Variants in RAPGEF5 observed in about 807,000 individuals in gnomAD.
RAPGEF5 encodes the protein M-Ras-regulated GEF.
In RAPGEF5, 65 loss-of-function variants were observed where a neutral mutation model predicts 125.2. That is an observed-to-expected ratio of 0.52 (90% CI 0.43 to 0.64). The LOEUF is 0.64. Ranked by LOEUF, RAPGEF5 falls within the 30% of genes least tolerant of loss-of-function variation. The pLI, the probability that RAPGEF5 is intolerant of heterozygous loss-of-function variation, is 0.00. For missense variants in RAPGEF5, 958 were observed against 1,048.1 expected, an observed-to-expected ratio of 0.91 and a Z score of 1.19; for synonymous variants, 391 against 385.9, an observed-to-expected ratio of 1.01 and a Z score of -0.16.
intron 1 of RAPGEF5, among the ~76,000 whole-genome samples, chr7:22,339,134 A>T (rs1784080141): frequency 6.6e-6 from 1 of 152,228 alleles, no homozygotes; most frequent in Non-Finnish European, 1.5e-5. Context: ...GTGAGCATGC[A>T]TACAACTTCA....
intron 7 of RAPGEF5, among the ~76,000 whole-genome samples, chr7:22,260,590 A>G (rs1181955414): frequency 1.3e-5 from 2 of 152,034 alleles, no homozygotes. Context: ...AATCAAAACT[A>G]CAAGGTACCT....
chr7:22,138,126 T>C (rs1783138614), intron 21 of RAPGEF5, among the ~76,000 whole-genome samples: 1 of 152,130 alleles, frequency 6.6e-6, no homozygotes, highest in African/African-American at 2.4e-5. Context: ...CCAATCTTTC[T>C]TTTAAGCTGC....
At chr7:22,193,731 G>T (rs1055533510) in intron 10 of RAPGEF5, 184 bp downstream of exon 10, 1 of 1,556,904 alleles carries the variant, frequency 6.4e-7, no homozygotes, top group Non-Finnish European at 8.7e-7. Flanking sequence ...CTTTCACTGG[G>T]AACTGAGTCC....
At chr7:22,249,538 A>G (rs1355277373) in intron 7 of RAPGEF5, among the ~76,000 whole-genome samples, 1 of 152,192 alleles carries the variant, frequency 6.6e-6, no homozygotes, top group Non-Finnish European at 1.5e-5. Context: ...AAAAGCCTTG[A>G]CAAGTTTAGT....
Position 22,266,954 on chromosome 7 carries a change from G to T in RAPGEF5, c.796+10C>A. The T allele has an allele frequency of 6.2e-7, 1 of 1,603,192 alleles. No individual in the cohort carries two copies. Among genetic ancestry groups the T allele is most frequent in the Non-Finnish European group, 8.5e-7 (1 of 1,170,630 alleles). ...AGAATCTTCCTCCAGCCCCATAAAA[G>T]ATGACTTACCAGACTTCCTTGCTTT... On this transcript the variant is annotated intron_variant, in intron 7 of 25. Transcript: ENST00000665637.
At chr7:22,212,265 A>G (rs890957066) in intron 9 of RAPGEF5, among the ~76,000 whole-genome samples, 2 of 151,790 alleles carry the variant, frequency 1.3e-5, no homozygotes, top group African/African-American at 2.4e-5. Context: ...GAGCCACCAC[A>G]CCCGGCCTCA....
In RAPGEF5 at chr7:22,140,022, C is replaced by T; in HGVS notation, c.2277+3G>A. 2 of 1,559,726 alleles carry T rather than the reference C, an allele frequency of 1.3e-6. No individual in the cohort carries two copies. The highest frequency in any genetic ancestry group is 1.7e-6 in the Non-Finnish European group (2 of 1,150,940). ...CCCCTCACCATGGGACTCCAAGGCT[C>T]ACCTCCCAGGTCTGCGACAGTCGAC... On this transcript the variant is annotated splice_donor_region_variant and intron_variant, in intron 21 of 25. Coordinates refer to ENST00000665637, the MANE Select transcript of RAPGEF5 (RefSeq NM_012294.5).
intron 6 of RAPGEF5, among the ~76,000 whole-genome samples, chr7:22,285,453 T>A (rs1381061714): frequency 6.6e-6 from 1 of 152,206 alleles, no homozygotes; most frequent in Non-Finnish European, 1.5e-5. Flanking sequence ...CCAAACCTCA[T>A]GCTATTACTG....
intron 7 of RAPGEF5, among the ~76,000 whole-genome samples, chr7:22,260,729 T>C (rs895802659): frequency 1.3e-5 from 2 of 151,994 alleles, no homozygotes; most frequent in East Asian, 3.9e-4. Context: ...ATTTAAAAAA[T>C]CCCTATAGAG....
At chr7:22,271,065 A>G (rs1782404420) in intron 6 of RAPGEF5, among the ~76,000 whole-genome samples, 2 of 152,200 alleles carry the variant, frequency 1.3e-5, no homozygotes, top group East Asian at 1.9e-4. Context: ...CCCAATTGCT[A>G]TTTGGTCACT....
In RAPGEF5 at chr7:22,168,318, G is replaced by A. The variant is rs191860739; in HGVS notation, c.1205-1170C>T. On this transcript the variant is annotated intron_variant, in intron 11 of 25. Transcript: ENST00000665637. ...TTCATCTCTCTACCATACAAGTATCGAGGAGACTGTGGCCTATGAACCAGG... is the reference window on the plus strand; with the variant it reads ...TTCATCTCTCTACCATACAAGTATCAAGGAGACTGTGGCCTATGAACCAGG... Among the ~76,000 whole-genome samples the A allele has an allele frequency of 5.3e-5, 8 of 152,226 alleles. No individual in the cohort carries two copies. In the East Asian group the frequency reaches 1.4e-3, roughly 26 times the overall value.
At chr7:22,311,337 A>G (rs1783465921) in intron 3 of RAPGEF5, among the ~76,000 whole-genome samples, 1 of 152,192 alleles carries the variant, frequency 6.6e-6, no homozygotes, top group East Asian at 1.9e-4. Flanking sequence ...AAAATAATGT[A>G]TCATATAATG....
intron 9 of RAPGEF5, among the ~76,000 whole-genome samples, chr7:22,210,939 G>A (rs570019853): frequency 1.3e-5 from 2 of 152,158 alleles, no homozygotes; most frequent in South Asian, 4.1e-4. Flanking sequence ...CAAAAAGAGA[G>A]CAGATAATTT....
At chr7:22,170,010 C>CAA (rs879869151) in intron 11 of RAPGEF5, among the ~76,000 whole-genome samples, 4 of 135,552 alleles carry the variant, frequency 3.0e-5, no homozygotes, top group Non-Finnish European at 4.8e-5. Context: ...GACTCTGTCT[C>CAA]AAAAAAAAAA....
rs1279157106 is a variant in RAPGEF5, at chr7:22,122,224, C to T, written c.*182G>A. 1.8e-6 allele frequency: 1 copy of T among 561,716 alleles called. No individual in the cohort carries two copies. Among genetic ancestry groups the T allele is most frequent in the Non-Finnish European group, 3.2e-6 (1 of 313,808 alleles). The allele number at this position is 561,716 out of a possible 1,614,324, so 34.8% of individuals were successfully genotyped here. On this transcript the variant is annotated 3_prime_UTR_variant, in exon 26 of 26. Transcript: ENST00000665637. ...TCCCGAGAGTAGCATGGAGAAACCT[C>T]TCCCCCTCTCTGGTGGCTGACATCA... is the stretch of plus-strand genomic sequence containing the variant.
At position 22,244,618 on chromosome 7, in the gene RAPGEF5, T is replaced by G. The variant is rs146889326; in HGVS notation, c.797-13699A>C. 4.9e-3 allele frequency among the ~76,000 whole-genome samples: 749 copies of G among 152,200 alleles called. 9 individuals are homozygous for G. Among genetic ancestry groups the G allele is most frequent in the South Asian group, 0.026 (127 of 4,812 alleles). Reference sequence around the variant, plus strand: ...TCCACTGATTCTACATTATGGTGAGTTGTATAATTATTTCATTATATATTA... The same window carrying G: ...TCCACTGATTCTACATTATGGTGAGGTGTATAATTATTTCATTATATATTA... On this transcript the variant is annotated intron_variant, in intron 7 of 25. Transcript: ENST00000665637.
At chr7:22,173,994 T>G (rs1784430300) in intron 11 of RAPGEF5, among the ~76,000 whole-genome samples, 2 of 152,146 alleles carry the variant, frequency 1.3e-5, no homozygotes, top group South Asian at 4.1e-4. Context: ...CGGGGTAGCC[T>G]AATGCATAGT....
At chr7:22,158,171 T>C (rs1250422536) in intron 14 of RAPGEF5, among the ~76,000 whole-genome samples, 1 of 152,066 alleles carries the variant, frequency 6.6e-6, no homozygotes, top group Non-Finnish European at 1.5e-5. Flanking sequence ...GCTCAGTCCA[T>C]GGGAACTCAG....
rs1041386441 is a variant in RAPGEF5 at position 22,207,230 on chromosome 7, C to T, written c.996+12636G>A. ...TGATTTAAGTAAAAACTAGCACAAGCTTTTTGGAAAGTGGTTGGGTAAAAA... is the reference window on the plus strand; with the variant it reads ...TGATTTAAGTAAAAACTAGCACAAGTTTTTTGGAAAGTGGTTGGGTAAAAA... On this transcript the variant is annotated intron_variant, in intron 9 of 25. Transcript: ENST00000665637. Among the ~76,000 whole-genome samples, 3 of 152,168 alleles carry T rather than the reference C, an allele frequency of 2.0e-5. No homozygotes were observed. In the South Asian group the frequency reaches 6.2e-4, roughly 32 times the overall value.
Sources: allele counts gnomAD v4.1 joint callset (sites outside exome capture counted in the v4.1 genomes callset), GRCh38; gene constraint gnomAD v4.1.1; transcripts MANE v1.5; gene names NCBI Gene and HGNC (gene_info 2026-07-23, HGNC 2026-07-21).